SERPINB1: variants seen among roughly 807,000 people sequenced by gnomAD.
The protein encoded by SERPINB1 is serpin family B member 1.
A neutral mutation model predicts 25.9 loss-of-function variants in SERPINB1; 23 were observed. That is an observed-to-expected ratio of 0.89 (90% CI 0.64 to 1.26). The LOEUF is 1.26. Among genes scored for constraint, SERPINB1 ranks in the 50% most tolerant of loss-of-function variants. The pLI, the probability that SERPINB1 is intolerant of heterozygous loss-of-function variation, is 0.00. For missense variants in SERPINB1, 399 were observed against 463.6 expected, an observed-to-expected ratio of 0.86 and a Z score of 1.28; for synonymous variants, 178 against 178.7, an observed-to-expected ratio of 1.00 and a Z score of 0.03.
chr6:2,839,375 CTT>C, intron 2 of SERPINB1: 3 of 985,058 alleles, frequency 3.0e-6, no homozygotes, highest in Non-Finnish European at 3.6e-6. Context: ...GCTCCATCTG[CTT>C]TAATGGAAAT....
At chr6:2,839,520 T>G in intron 2 of SERPINB1, 1 of 963,944 alleles carries the variant, frequency 1.0e-6, no homozygotes, top group Non-Finnish European at 1.2e-6. Flanking sequence ...TTAATGGATT[T>G]AAAAAAAACA....
Position 2,833,792 on chromosome 6 carries a change from A to G in SERPINB1, c.956T>C (p.Val319Ala), listed in dbSNP as rs779327066. Residue 319 changes from valine to alanine, a missense_variant, in exon 7 of 7, where the codon GTC becomes GCC. Physicochemically the swap from Val to Ala is moderately conservative, Grantham distance 64. Coordinates refer to ENST00000380739, the MANE Select transcript of SERPINB1 (RefSeq NM_030666.4). ...ATTCACTTCCACAAATGACTTGTGG[A>G]CAATTTTTGATATAAAAATATCTCT... The part of the protein sequence containing the change: ...GARDIFISKI[V>A]HKSFVEVNEE... The G allele has an allele frequency of 2.5e-6, 4 of 1,614,136 alleles. No homozygotes were observed. In the South Asian group the frequency reaches 3.3e-5, roughly 13 times the overall value.
intron 6 of SERPINB1, 45 bp from the exon 7 acceptor site, chr6:2,834,057 C>A: frequency 6.6e-7 from 1 of 1,508,218 alleles, no homozygotes; most frequent in African/African-American, 1.4e-5. Context: ...ATCAATTTTA[C>A]ATAAGTAAGG....
At position 2,833,955 on chromosome 6, in the gene SERPINB1, C is replaced by T. The variant is rs759250501; in HGVS notation, c.793G>A (p.Asp265Asn). The T allele has an allele frequency of 5.6e-6, 9 of 1,613,572 alleles. No individual in the cohort carries two copies. Among genetic ancestry groups the T allele is most frequent in the South Asian group, 4.4e-5 (4 of 90,972 alleles). The change falls in exon 7 of 7, where the codon GAT becomes AAT. Residue 265 changes from aspartate (D) to asparagine (N), a missense_variant. By Grantham distance (23) the Asp-to-Asn change is conservative. Transcript: ENST00000380739. ...LHEWTKPENL[D>N]FIEVNVSLPR... Reference sequence around the variant, plus strand: ...AAGCTGACATTAACTTCAATGAAATCGAGATTCTCAGGTTTAGTCCACTCA... The same window carrying T: ...AAGCTGACATTAACTTCAATGAAATTGAGATTCTCAGGTTTAGTCCACTCA...
intron 4 of SERPINB1, 148 bp from the exon 5 acceptor site, chr6:2,836,398 C>T: frequency 2.3e-6 from 2 of 877,278 alleles, no homozygotes; most frequent in Non-Finnish European, 3.4e-6. Context: ...AAGCCCTACT[C>T]ACTAACATGT....
In SERPINB1 at chr6:2,833,655, T is replaced by G; in HGVS notation, c.1093A>C (p.Asn365His). 6.2e-7 allele frequency: 1 copy of G among 1,614,054 alleles called. No homozygotes were observed. The highest frequency in any genetic ancestry group is 8.5e-7 in the Non-Finnish European group (1 of 1,179,922). Residue 365 changes from asparagine to histidine, a missense_variant, in exon 7 of 7, where the codon AAT becomes CAT. Physicochemically the swap from Asn to His is moderately conservative, Grantham distance 68. Transcript: ENST00000380739. ...AAGAATAGGATGCTACCTGAGGAAT[T>G]ATGCCGAATAAAGAAAAGGAATGGA... is the stretch of plus-strand genomic sequence containing the variant. Reference protein sequence around the residue: ...DHPFLFFIRHNSSGSILFLGR... With the variant: ...DHPFLFFIRHHSSGSILFLGR...
At chr6:2,835,700 T>C (rs1766468407) in intron 6 of SERPINB1, among the ~76,000 whole-genome samples, 156 bp downstream of exon 6, 1 of 152,190 alleles carries the variant, frequency 6.6e-6, no homozygotes, top group South Asian at 2.1e-4. Flanking sequence ...AAATTAACTC[T>C]GGGCTTTAGT....
At position 2,837,719 on chromosome 6, in the gene SERPINB1, T is replaced by A. The variant is rs1766533519; in HGVS notation, c.424+163A>T. ...AACATGTGAGAGCTGTCCAGCAACG[T>A]GCAGTGCAGACTTCACGCACCGGCA... On this transcript the variant is annotated intron_variant, in intron 4 of 6. Transcript: ENST00000380739. This position sits in a 1 kb window ranked among gnomAD's most constrained non-coding sequence, Gnocchi z 4.3. Among the ~76,000 whole-genome samples the A allele has an allele frequency of 6.6e-6, 1 of 152,226 alleles. No homozygotes were observed. Among genetic ancestry groups the A allele is most frequent in the African/African-American group, 2.4e-5 (1 of 41,452 alleles).
intron 2 of SERPINB1, 74 bp downstream of exon 2, chr6:2,840,345 C>T (rs1277289654): frequency 6.4e-7 from 1 of 1,562,214 alleles, no homozygotes; most frequent in African/African-American, 1.4e-5. Context: ...CTCAAAGGCA[C>T]AACCTTTCCA....
At chr6:2,838,040 A>G (rs1397651993) in intron 3 of SERPINB1, 41 bp from the exon 4 acceptor site, 1 of 1,319,788 alleles carries the variant, frequency 7.6e-7, no homozygotes. Flanking sequence ...TATAACTCCT[A>G]CTACATATAG....
rs753945780 is a variant in SERPINB1 at position 2,835,940 on chromosome 6, C to T, written c.651G>A (p.Leu217=). 9.3e-6 allele frequency: 15 copies of T among 1,614,062 alleles called. No homozygotes were observed. Among genetic ancestry groups the T allele is most frequent in the South Asian group, 7.7e-5 (7 of 91,090 alleles). Residue 217 remains leucine (L), a synonymous_variant, in exon 6 of 7, where the codon CTG becomes CTA. Coordinates refer to ENST00000380739, the MANE Select transcript of SERPINB1 (RefSeq NM_030666.4). Reference sequence around the variant, plus strand: ...GCTCCTCGCCTTGGTAAGGCAGTTCCAGCACACGGCACTTAAGGTCCTCGA... The same window carrying T: ...GCTCCTCGCCTTGGTAAGGCAGTTCTAGCACACGGCACTTAAGGTCCTCGA... The part of the protein sequence containing the change: ...GYIEDLKCRV[L]ELPYQGEELS...
At chr6:2,838,516 G>T in intron 3 of SERPINB1, 33 bp downstream of exon 3, 1 of 1,549,224 alleles carries the variant, frequency 6.5e-7, no homozygotes, top group Non-Finnish European at 8.7e-7. Context: ...ACTGTCTAGT[G>T]GGGTTTTAGA....
chr6:2,833,408 C>T lies in SERPINB1; in HGVS notation c.*200G>A. 1 of 485,486 alleles carries T rather than the reference C, an allele frequency of 2.1e-6. No homozygotes were observed. Among genetic ancestry groups the T allele is most frequent in the Non-Finnish European group, 3.6e-6 (1 of 279,870 alleles). The allele number at this position is 485,486 out of a possible 1,614,324, so 30.1% of individuals were successfully genotyped here. On this transcript the variant is annotated 3_prime_UTR_variant, in exon 7 of 7. Coordinates refer to ENST00000380739, the MANE Select transcript of SERPINB1 (RefSeq NM_030666.4). ...TCAAAAGCAACCACTGGATTTTTTT[C>T]AATGTAAAAAAGAAAAATAGATACC...
In SERPINB1 at chr6:2,837,269, A is replaced by AT. The variant is rs1766517395; in HGVS notation, c.424+612dup. ...AGTGTTGGTTTTAACTTTATTTTTT[A>AT]TTTTTTATTATTTTTATTATTTTTT... On this transcript the variant is annotated intron_variant, in intron 4 of 6. Coordinates refer to ENST00000380739, the MANE Select transcript of SERPINB1 (RefSeq NM_030666.4). The surrounding 1 kb of genome is among the most constrained non-coding windows in gnomAD (Gnocchi z 4.3). Among the ~76,000 whole-genome samples the AT allele has an allele frequency of 6.6e-6, 1 of 151,728 alleles. No individual in the cohort carries two copies. Among genetic ancestry groups the AT allele is most frequent in the Non-Finnish European group, 1.5e-5 (1 of 67,934 alleles).
chr6:2,836,775 A>G (rs1300411432), intron 4 of SERPINB1, among the ~76,000 whole-genome samples: 2 of 152,154 alleles, frequency 1.3e-5, no homozygotes, highest in Non-Finnish European at 2.9e-5. Flanking sequence ...AGATTCCTTG[A>G]GCCCAGGAGG....
At chr6:2,839,308 A>C (rs942521807) in intron 2 of SERPINB1, 1 of 985,248 alleles carries the variant, frequency 1.0e-6, no homozygotes, top group African/African-American at 1.7e-5. Flanking sequence ...ACAAAATTGC[A>C]TAGGGTACGA....
Position 2,835,933 on chromosome 6 carries a change from G to A in SERPINB1, c.658C>T (p.Pro220Ser). The A allele has an allele frequency of 6.2e-7, 1 of 1,614,122 alleles. No individual in the cohort carries two copies. Among genetic ancestry groups the A allele is most frequent in the Non-Finnish European group, 8.5e-7 (1 of 1,180,032 alleles). The change falls in exon 6 of 7, where the codon CCT becomes TCT. Residue 220 changes from proline to serine, a missense_variant. Pro to Ser is a moderately conservative substitution (Grantham distance 74). Transcript: ENST00000380739. ...EDLKCRVLEL[P>S]YQGEELSMVI... ...ATGCTGAGCTCCTCGCCTTGGTAAGGCAGTTCCAGCACACGGCACTTAAGG... is the reference window on the plus strand; with the variant it reads ...ATGCTGAGCTCCTCGCCTTGGTAAGACAGTTCCAGCACACGGCACTTAAGG...
chr6:2,838,430 T>G (rs1766555719), intron 3 of SERPINB1, 119 bp downstream of exon 3: 2 of 970,892 alleles, frequency 2.1e-6, no homozygotes, highest in Non-Finnish European at 2.8e-6. Flanking sequence ...CATGTTTGCC[T>G]TCTGTATTGT....
chr6:2,833,600 T>C lies in SERPINB1; in HGVS notation c.*8A>G, dbSNP rs971216110. The stretch of plus-strand genomic sequence containing the variant: ...GCTTGATTTTTGTATTGCTACAGTC[T>C]CTTTCTTCTAAGGGGAAGAAAATCT... On this transcript the variant is annotated 3_prime_UTR_variant, in exon 7 of 7. Coordinates refer to ENST00000380739, the MANE Select transcript of SERPINB1 (RefSeq NM_030666.4). The C allele has an allele frequency of 3.8e-6, 6 of 1,590,278 alleles. No individual in the cohort carries two copies. In the African/African-American group the frequency reaches 8.1e-5, roughly 22 times the overall value.
Sources: allele counts gnomAD v4.1 joint callset (sites outside exome capture counted in the v4.1 genomes callset), GRCh38; gene constraint gnomAD v4.1.1; non-coding constraint Gnocchi (gnomAD v3.1); transcripts MANE v1.5; gene names NCBI Gene and HGNC (gene_info 2026-07-23, HGNC 2026-07-21).